C12orf56: variants seen among roughly 807,000 people sequenced by gnomAD.
The protein encoded by C12orf56 is chromosome 12 open reading frame 56.
In C12orf56, 71 loss-of-function variants were observed where a neutral mutation model predicts 69.9. The ratio of observed to expected loss-of-function variants is 1.02; its 90% CI spans 0.84 to 1.24. The LOEUF (loss-of-function observed/expected upper bound fraction) is 1.24. Ranked by LOEUF, C12orf56 falls within the 50% of genes most tolerant of loss-of-function variation. C12orf56 has a pLI of 0.00. For synonymous variants in C12orf56, 276 were observed against 274.1 expected, an observed-to-expected ratio of 1.01 and a Z score of -0.07; for missense variants, 732 against 738.5, an observed-to-expected ratio of 0.99 and a Z score of 0.10.
intron 1 of C12orf56, among the ~76,000 whole-genome samples, chr12:64,372,269 T>C (rs1190725467): frequency 6.6e-6 from 1 of 152,200 alleles, no homozygotes; most frequent in Non-Finnish European, 1.5e-5. Context: ...AAGCAAGTAT[T>C]GAGAACATGC....
intron 2 of C12orf56, among the ~76,000 whole-genome samples, chr12:64,332,635 T>C (rs1470312247): frequency 2.0e-5 from 3 of 152,164 alleles, no homozygotes; most frequent in Non-Finnish European, 2.9e-5. Flanking sequence ...GCTCTCCAAA[T>C]TGTATGAGTT....
intron 3 of C12orf56, among the ~76,000 whole-genome samples, chr12:64,329,731 G>A (rs1293694058): frequency 1.5e-5 from 2 of 132,378 alleles, no homozygotes; most frequent in African/African-American, 2.9e-5. Flanking sequence ...CTGTGTCCAT[G>A]TGATCTCATT....
chr12:64,325,699 G>T (rs1459800200), intron 3 of C12orf56, among the ~76,000 whole-genome samples: 1 of 152,152 alleles, frequency 6.6e-6, no homozygotes, highest in Non-Finnish European at 1.5e-5. Flanking sequence ...AAGAAGGGGA[G>T]ACTTGAGTAC....
chr12:64,328,991 G>A (rs2038890349), intron 3 of C12orf56, among the ~76,000 whole-genome samples: 1 of 151,242 alleles, frequency 6.6e-6, no homozygotes, highest in Admixed American at 6.6e-5. Flanking sequence ...CTTGAACCTG[G>A]GAGGCAGAGG....
intron 9 of C12orf56, among the ~76,000 whole-genome samples, chr12:64,276,415 G>A (rs2038051575): frequency 6.6e-6 from 1 of 152,074 alleles, no homozygotes; most frequent in Non-Finnish European, 1.5e-5. Flanking sequence ...CTTCCCTCTG[G>A]CCAATATCTT....
rs1323068241 is a variant in C12orf56 at position 64,318,881 on chromosome 12, G to A, written c.588C>T (p.Pro196=). The A allele has an allele frequency of 2.0e-6, 3 of 1,537,210 alleles. No homozygotes were observed. The highest frequency in any genetic ancestry group is 3.9e-5 in the Admixed American group (2 of 50,996). The change falls in exon 4 of 13, where the codon CCC becomes CCT. Residue 196 remains proline, a synonymous_variant. Transcript: ENST00000543942. ...LSLHGQGAFR[P]LPSPSRRSSQ... ...AGCTCCTCCTGGAGGGGGAAGGTAGGGGTCGAAAGGCACCTTGGCCATGAA... is the reference window on the plus strand; with the variant it reads ...AGCTCCTCCTGGAGGGGGAAGGTAGAGGTCGAAAGGCACCTTGGCCATGAA...
chr12:64,286,743 T>C (rs530578646), intron 6 of C12orf56, among the ~76,000 whole-genome samples: 75 of 152,286 alleles, frequency 4.9e-4, no homozygotes, highest in African/African-American at 1.7e-3. Context: ...TATTCCTCTA[T>C]TGTTCGTTTT....
At chr12:64,298,033 C>T (rs1219660255) in intron 6 of C12orf56, among the ~76,000 whole-genome samples, 1 of 152,178 alleles carries the variant, frequency 6.6e-6, no homozygotes, top group Non-Finnish European at 1.5e-5. Flanking sequence ...TTCTCCACAT[C>T]CTCTCCAGCA....
intron 1 of C12orf56, among the ~76,000 whole-genome samples, chr12:64,360,506 G>GTAGATAGATGA (rs758172761): frequency 2.0e-4 from 30 of 152,224 alleles, no homozygotes; most frequent in African/African-American, 7.2e-4. Context: ...AGGTAGGTAG[G>GTAGATAGATGA]TAGATAGATG....
intron 1 of C12orf56, among the ~76,000 whole-genome samples, chr12:64,372,040 A>G (rs890611940): frequency 6.6e-6 from 1 of 151,570 alleles, no homozygotes; most frequent in African/African-American, 2.4e-5. Context: ...CTCGGCCTCC[A>G]TAAGTCCTAG....
chr12:64,278,621 T>C (rs2038086434), intron 8 of C12orf56, among the ~76,000 whole-genome samples: 1 of 152,170 alleles, frequency 6.6e-6, no homozygotes. Context: ...CAAAATCTAT[T>C]GTCAGCAATT....
At chr12:64,367,348 A>ACAG (rs1262302479) in intron 1 of C12orf56, among the ~76,000 whole-genome samples, 2 of 142,734 alleles carry the variant, frequency 1.4e-5, no homozygotes, top group African/African-American at 2.5e-5. Context: ...TATATATTAT[A>ACAG]TTATATTATA....
chr12:64,316,421 G>A (rs1272128215), intron 4 of C12orf56, among the ~76,000 whole-genome samples: 1 of 152,062 alleles, frequency 6.6e-6, no homozygotes, highest in East Asian at 1.9e-4. Flanking sequence ...TAGAGATGGA[G>A]TCTTGCTTAT....
intron 1 of C12orf56, among the ~76,000 whole-genome samples, chr12:64,385,351 G>T (rs2039775334): frequency 6.6e-6 from 1 of 151,364 alleles, no homozygotes; most frequent in Non-Finnish European, 1.5e-5. Flanking sequence ...AAATTTTGTT[G>T]CTGTTACCTT....
intron 1 of C12orf56, 56 bp downstream of exon 1, chr12:64,390,258 C>T (rs2039849260): frequency 4.6e-6 from 7 of 1,525,946 alleles, no homozygotes; most frequent in Non-Finnish European, 6.1e-6. Context: ...TTTGGGGGCC[C>T]CAGCCGGGAG....
chr12:64,306,906 C>T (rs1009875628), intron 5 of C12orf56, among the ~76,000 whole-genome samples: 1 of 152,130 alleles, frequency 6.6e-6, no homozygotes, highest in Admixed American at 6.6e-5. Context: ...ACTGAAGATG[C>T]CTTGCAGGTA....
At position 64,266,174 on chromosome 12, in the gene C12orf56, C is replaced by T. The variant is rs2037918355; in HGVS notation, c.*1009G>A. ...CATTTCCCAAATAATCACTCTGTAGCTTATACTCCCCACAACAGTTTATCT... is the reference window on the plus strand; with the variant it reads ...CATTTCCCAAATAATCACTCTGTAGTTTATACTCCCCACAACAGTTTATCT... On this transcript the variant is annotated 3_prime_UTR_variant, in exon 13 of 13. Transcript: ENST00000543942. The T allele has an allele frequency of 1.3e-5, 2 of 152,254 alleles. No homozygotes were observed. Among genetic ancestry groups the T allele is most frequent in the Admixed American group, 6.5e-5 (1 of 15,280 alleles). The allele number at this position is 152,254 out of a possible 1,614,324, so 9.4% of individuals were successfully genotyped here. A position where few individuals can be genotyped will look rare whatever the true frequency, so the allele number is the denominator to read the frequency against.
chr12:64,305,745 C>T (rs938101072), intron 5 of C12orf56, among the ~76,000 whole-genome samples: 2 of 152,138 alleles, frequency 1.3e-5, no homozygotes, highest in African/African-American at 2.4e-5. Flanking sequence ...GTTTGATAAA[C>T]GGTCTCTAAA....
chr12:64,268,383 A>T (rs1454805501), intron 12 of C12orf56, among the ~76,000 whole-genome samples: 2 of 152,208 alleles, frequency 1.3e-5, no homozygotes, highest in Non-Finnish European at 2.9e-5. Context: ...AGTTTTAAAA[A>T]TTGAGTTGTA....
Sources: allele counts gnomAD v4.1 joint callset (sites outside exome capture counted in the v4.1 genomes callset), GRCh38; gene constraint gnomAD v4.1.1; transcripts MANE v1.5; gene names NCBI Gene and HGNC (gene_info 2026-07-23, HGNC 2026-07-21).